Variants in MBNL1 observed in about 807,000 individuals in gnomAD.
MBNL1 encodes muscleblind like splicing regulator 1.
In MBNL1, 8 loss-of-function variants were observed where a neutral mutation model predicts 42.2. That is an observed-to-expected ratio of 0.19 (90% CI 0.11 to 0.34). The LOEUF is 0.34. Among genes scored for constraint, MBNL1 ranks in the 10% least tolerant of loss-of-function variants. MBNL1 has a pLI of 1.00. For missense variants in MBNL1, 309 were observed against 495.3 expected (o/e 0.62, Z 3.57); for synonymous variants, 169 against 173.9 (o/e 0.97, Z 0.22).
chr3:152,311,576 T>C (rs969822718), intron 2 of MBNL1, among the ~76,000 whole-genome samples: 1 of 152,148 alleles, frequency 6.6e-6, no homozygotes, highest in African/African-American at 2.4e-5. Flanking sequence ...ATTTCAGTAG[T>C]TTATTTTAAT....
At position 152,306,382 on chromosome 3, in the gene MBNL1, A is replaced by G. The variant is rs552632028; in HGVS notation, c.174+6015A>G. 1.3e-3 allele frequency among the ~76,000 whole-genome samples: 194 copies of G among 152,340 alleles called. 1 individual carries two copies. The highest frequency in any genetic ancestry group is 4.5e-3 in the African/African-American group (187 of 41,580). The stretch of plus-strand genomic sequence containing the variant: ...CCTTCTCTCTTAGTTCCTAAGGAGC[A>G]CATGGCTTCCAACTTTAGGATTATT... On this transcript the variant is annotated intron_variant, in intron 2 of 9. Coordinates refer to ENST00000324210, the MANE Select transcript of MBNL1 (RefSeq NM_021038.5).
Position 152,294,388 on chromosome 3 carries a change from A to G in MBNL1, c.-789-5017A>G, listed in dbSNP as rs868728576. On this transcript the variant is annotated intron_variant, in intron 1 of 9. Transcript: ENST00000324210. Reference sequence around the variant, plus strand: ...AAGCTCTGCCTCCCAGGTTCACGCCATTCTCCTGCCTCACCCTCCCGAGTA... The same window carrying G: ...AAGCTCTGCCTCCCAGGTTCACGCCGTTCTCCTGCCTCACCCTCCCGAGTA... 5.5e-5 allele frequency among the ~76,000 whole-genome samples: 8 copies of G among 146,430 alleles called. No individual in the cohort carries two copies. In the South Asian group the frequency reaches 1.7e-3, roughly 31 times the overall value.
At chr3:152,419,536 T>C (rs1416198560) in intron 3 of MBNL1, among the ~76,000 whole-genome samples, 1 of 152,166 alleles carries the variant, frequency 6.6e-6, no homozygotes, top group Non-Finnish European at 1.5e-5. Flanking sequence ...CGGATGGTGC[T>C]GTCCAGCCCA....
intron 3 of MBNL1, among the ~76,000 whole-genome samples, chr3:152,419,230 T>G (rs991261690): frequency 1.3e-5 from 2 of 152,072 alleles, no homozygotes; most frequent in African/African-American, 4.8e-5. Flanking sequence ...ATGGAAGGCC[T>G]ATAGTGTTTA....
chr3:152,244,972 G>A (rs2032561737), intron 2 of MBNL1, among the ~76,000 whole-genome samples: 2 of 151,716 alleles, frequency 1.3e-5, no homozygotes, highest in Admixed American at 1.3e-4. Flanking sequence ...GATGATATTT[G>A]TTTAGAAAAA....
rs1286408271 is a variant in MBNL1, at chr3:152,299,864, A to G, written c.-330A>G. 5.0e-6 allele frequency: 2 copies of G among 401,532 alleles called. No individual in the cohort carries two copies. Among genetic ancestry groups the G allele is most frequent in the Non-Finnish European group, 4.4e-6 (1 of 228,022 alleles). The allele number at this position is 401,532 out of a possible 1,614,324, so 24.9% of individuals were successfully genotyped here. A position where few individuals can be genotyped will look rare whatever the true frequency, so the allele number is the denominator to read the frequency against. On this transcript the variant is annotated 5_prime_UTR_variant, in exon 2 of 10. Transcript: ENST00000324210. Reference sequence around the variant, plus strand: ...TTTCATGCTTGCATTTTGGGCTCCAAATTGGCACTGGGAAGGGGTTACTGA... The same window carrying G: ...TTTCATGCTTGCATTTTGGGCTCCAGATTGGCACTGGGAAGGGGTTACTGA...
intron 2 of MBNL1, among the ~76,000 whole-genome samples, chr3:152,386,387 C>T (rs925190175): frequency 1.3e-5 from 2 of 151,760 alleles, no homozygotes; most frequent in African/African-American, 2.4e-5. Context: ...ATAACCTGTT[C>T]ATATTTTTCA....
chr3:152,381,872 A>G (rs1314405687), intron 2 of MBNL1, among the ~76,000 whole-genome samples: 1 of 152,108 alleles, frequency 6.6e-6, no homozygotes, highest in Non-Finnish European at 1.5e-5. Flanking sequence ...GGGTTTAGCT[A>G]TTAGATGTCA....
intron 1 of MBNL1, among the ~76,000 whole-genome samples, chr3:152,287,633 C>T (rs2053343935): frequency 6.6e-6 from 1 of 152,306 alleles, no homozygotes; most frequent in Admixed American, 6.5e-5. Flanking sequence ...GTCACTGATT[C>T]AGATAATCCA....
chr3:152,291,965 T>C (rs2056252437), intron 1 of MBNL1, among the ~76,000 whole-genome samples: 1 of 152,132 alleles, frequency 6.6e-6, no homozygotes, highest in Non-Finnish European at 1.5e-5. Context: ...AAAATTTGTT[T>C]TCTGTAGAGA....
At chr3:152,434,855 C>A (rs1253721228) in intron 4 of MBNL1, among the ~76,000 whole-genome samples, 1 of 152,064 alleles carries the variant, frequency 6.6e-6, no homozygotes, top group Non-Finnish European at 1.5e-5. Context: ...CTTTGAAAAG[C>A]ATCTGTTTAT....
In MBNL1 at chr3:152,248,543, A is replaced by G. The variant is rs138000599; in HGVS notation, n.333+4103A>G. 3.7e-3 allele frequency among the ~76,000 whole-genome samples: 561 copies of G among 152,060 alleles called. 2 individuals carry two copies. The highest frequency in any genetic ancestry group is 0.011 in the South Asian group (55 of 4,816). On this transcript the variant is annotated intron_variant and non_coding_transcript_variant, in intron 2 of 2. Transcript: ENST00000477171. ...TCTGAACAACTTAAGAGTAAGTCAC[A>G]CATAACAAGGGCTTTCAGTCTGAAT...
intron 2 of MBNL1, among the ~76,000 whole-genome samples, chr3:152,397,398 C>T (rs1463943970): frequency 6.6e-6 from 1 of 152,064 alleles, no homozygotes; most frequent in Non-Finnish European, 1.5e-5. Flanking sequence ...TGATTTTCCC[C>T]TCCCTTCGTC....
chr3:152,300,355 T>C lies in MBNL1; in HGVS notation c.162T>C (p.Phe54=). ...AAAATGGACGAGTAATCGCCTGCTTTGATTCATTGAAAGTGAGTAACTATT... is the reference window on the plus strand; with the variant it reads ...AAAATGGACGAGTAATCGCCTGCTTCGATTCATTGAAAGTGAGTAACTATT... ...QVENGRVIAC[F]DSLKGRCSRE... is the part of the protein sequence containing the mutation. Residue 54 remains phenylalanine, a synonymous_variant, in exon 2 of 10, where the codon TTT becomes TTC. Coordinates refer to ENST00000324210, the MANE Select transcript of MBNL1 (RefSeq NM_021038.5). The C allele has an allele frequency of 6.2e-7, 1 of 1,613,842 alleles. No individual in the cohort carries two copies. Among genetic ancestry groups the C allele is most frequent in the Non-Finnish European group, 8.5e-7 (1 of 1,179,740 alleles).
At position 152,417,805 on chromosome 3, in the gene MBNL1, C is replaced by T. The variant is rs191379488; in HGVS notation, c.345+2694C>T. ...ACAAGCCCAGTTACAGAGGCTGCAA[C>T]ATAGAATGGGGCATAGAAGTGGACA... On this transcript the variant is annotated intron_variant, in intron 3 of 9. Coordinates refer to ENST00000324210, the MANE Select transcript of MBNL1 (RefSeq NM_021038.5). Among the ~76,000 whole-genome samples the T allele has an allele frequency of 5.9e-5, 9 of 152,274 alleles. No individual in the cohort carries two copies. The East Asian group carries it at 1.7e-3, about 29-fold the overall frequency.
chr3:152,323,002 T>G (rs902534788), intron 2 of MBNL1, among the ~76,000 whole-genome samples: 1 of 152,096 alleles, frequency 6.6e-6, no homozygotes, highest in Non-Finnish European at 1.5e-5. Context: ...CAGTAACAGG[T>G]CAGCAACAGA....
chr3:152,268,190 G>A (rs1180004395), upstream of MBNL1: 1 of 152,386 alleles, frequency 6.6e-6, no homozygotes, highest in African/African-American at 2.4e-5. Flanking sequence ...TAAATCACAT[G>A]GTGCAAAGTT....
chr3:152,365,612 C>T (rs2096305910), intron 2 of MBNL1, among the ~76,000 whole-genome samples: 1 of 151,928 alleles, frequency 6.6e-6, no homozygotes. Flanking sequence ...AAAATTATGG[C>T]TTCTAAAAAT....
intron 2 of MBNL1, among the ~76,000 whole-genome samples, chr3:152,322,086 T>C (rs2076811883): frequency 6.6e-6 from 1 of 151,972 alleles, no homozygotes; most frequent in East Asian, 1.9e-4. Context: ...CATATTTTTG[T>C]ACTGCATAAA....
Sources: gnomAD v4.1 joint callset for allele counts (sites outside exome capture counted in the v4.1 genomes callset) on GRCh38, gnomAD v4.1.1 for gene constraint, MANE v1.5 for transcripts, NCBI Gene and HGNC (gene_info 2026-07-23, HGNC 2026-07-21) for gene names.